The following CD2AP variants were observed in gnomAD, a reference collection of about 807,000 sequenced individuals.
CD2AP encodes the protein CD2-associated protein.
A neutral mutation model predicts 85.1 loss-of-function variants in CD2AP; 46 were observed. The ratio of observed to expected loss-of-function variants is 0.54; its 90% CI spans 0.43 to 0.69. CD2AP has a LOEUF of 0.69. Ranked by LOEUF, CD2AP falls within the 30% of genes least tolerant of loss-of-function variation. The pLI is 0.00. For missense variants in CD2AP, 769 were observed against 729.5 expected (o/e 1.05, Z -0.62); for synonymous variants, 255 against 252.9 (o/e 1.01, Z -0.08).
Position 47,540,174 on chromosome 6 carries a change from C to CAA in CD2AP, c.320-4414_320-4413dup, listed in dbSNP as rs373888400. On this transcript the variant is annotated intron_variant, in intron 3 of 17. Transcript: ENST00000359314. ...TGGGTGACAGAGTGAGGCCCTGTCT[C>CAA]AAAAAAAAAAAAAAAAAAAGAAAAA... is the stretch of plus-strand genomic sequence containing the variant. 3.1e-3 allele frequency among the ~76,000 whole-genome samples: 171 copies of CAA among 55,576 alleles called. 1 individual carries two copies. The highest frequency in any genetic ancestry group is 0.019 in the Middle Eastern group (2 of 106). 36.5% of individuals were successfully genotyped at this position (55,576 alleles called of 152,430 possible).
chr6:47,489,371 TCACCATGTTGGC>T, intron 1 of CD2AP, among the ~76,000 whole-genome samples: 1 of 152,060 alleles, frequency 6.6e-6, no homozygotes. Flanking sequence ...AGATGGGGTT[TCACCATGTTGGC>T]CAGGCTGGTT....
At chr6:47,600,375 G>A (rs1233445711) in intron 13 of CD2AP, among the ~76,000 whole-genome samples, 4 of 151,928 alleles carry the variant, frequency 2.6e-5, no homozygotes, top group African/African-American at 9.7e-5. Context: ...TTCAAGGGCA[G>A]TTACACTTAG....
rs960682411 is a variant in CD2AP at position 47,478,298 on chromosome 6, G to T, written c.4+50G>T. 5 of 1,560,966 alleles carry T rather than the reference G, an allele frequency of 3.2e-6. No individual in the cohort carries two copies. The African/African-American group carries it at 4.1e-5, about 13-fold the overall frequency. ...CGCCCGTCCGGACCTTCCAGACCCG[G>T]GGAGGCTGTGCCCTTTCTCGGCCTT... is the stretch of plus-strand genomic sequence containing the variant. On this transcript the variant is annotated intron_variant, in intron 1 of 17. Transcript: ENST00000359314.
At chr6:47,599,814 GATT>G (rs1452465354) in intron 13 of CD2AP, among the ~76,000 whole-genome samples, 2 of 151,958 alleles carry the variant, frequency 1.3e-5, no homozygotes, top group African/African-American at 4.8e-5. Context: ...GCCAGCATTA[GATT>G]ATATTTCATA....
At chr6:47,583,317 G>GT (rs1451597056) in intron 11 of CD2AP, among the ~76,000 whole-genome samples, 1 of 152,064 alleles carries the variant, frequency 6.6e-6, no homozygotes, top group African/African-American at 2.4e-5. Flanking sequence ...TCCTAGTGTT[G>GT]TAACTATTAT....
In CD2AP at chr6:47,502,115, G is replaced by T. The variant is rs575307807; in HGVS notation, c.5-1165G>T. On this transcript the variant is annotated intron_variant, in intron 1 of 17. Transcript: ENST00000359314. ...AGTTTGTATCATTCATTTACTTTTG[G>T]GTTGTTGGAGTAAGGGCCTCAGTTT... 3.9e-4 allele frequency among the ~76,000 whole-genome samples: 60 copies of T among 152,166 alleles called. 1 individual carries two copies. The highest frequency in any genetic ancestry group is 3.9e-3 in the Admixed American group (60 of 15,268).
At chr6:47,613,211 T>G (rs1358143828) in intron 17 of CD2AP, among the ~76,000 whole-genome samples, 5 of 152,238 alleles carry the variant, frequency 3.3e-5, no homozygotes, top group African/African-American at 1.2e-4. Context: ...TGACTTTCTC[T>G]TATGAATCGT....
chr6:47,602,255 A>C (rs1291447635), intron 13 of CD2AP, among the ~76,000 whole-genome samples: 1 of 151,964 alleles, frequency 6.6e-6, no homozygotes, highest in Non-Finnish European at 1.5e-5. Flanking sequence ...ATAACTTTTT[A>C]GCTTCTTCAT....
chr6:47,570,457 A>G (rs1768117646), intron 5 of CD2AP, among the ~76,000 whole-genome samples: 1 of 152,106 alleles, frequency 6.6e-6, no homozygotes, highest in Non-Finnish European at 1.5e-5. Context: ...CCATATAGAT[A>G]AGGTTACTGT....
chr6:47,589,824 A>ACT (rs1250959924), intron 11 of CD2AP, among the ~76,000 whole-genome samples: 1 of 151,956 alleles, frequency 6.6e-6, no homozygotes, highest in Non-Finnish European at 1.5e-5. Flanking sequence ...ATCCTAGTGA[A>ACT]CTAGGTTTTG....
intron 2 of CD2AP, among the ~76,000 whole-genome samples, chr6:47,533,061 T>A (rs1478933631): frequency 6.6e-6 from 1 of 152,202 alleles, no homozygotes; most frequent in Non-Finnish European, 1.5e-5. Flanking sequence ...GAGAATTTTA[T>A]AAATGGTTGG....
chr6:47,606,874 A>C (rs1769290453), intron 14 of CD2AP, among the ~76,000 whole-genome samples: 1 of 152,036 alleles, frequency 6.6e-6, no homozygotes, highest in African/African-American at 2.4e-5. Context: ...ATTTTTGACT[A>C]GTAGTTACCC....
chr6:47,526,764 G>A (rs939536250), intron 2 of CD2AP, among the ~76,000 whole-genome samples: 1 of 152,160 alleles, frequency 6.6e-6, no homozygotes, highest in African/African-American at 2.4e-5. Flanking sequence ...TTGGTCTCCT[G>A]TACTAGAAGC....
At chr6:47,498,174 A>G (rs967114003) in intron 1 of CD2AP, among the ~76,000 whole-genome samples, 1 of 152,102 alleles carries the variant, frequency 6.6e-6, no homozygotes, top group Non-Finnish European at 1.5e-5. Flanking sequence ...AATTTTCTTT[A>G]TTGTTGCATG....
At chr6:47,622,458 CTG>C (rs1769780607) in intron 17 of CD2AP, among the ~76,000 whole-genome samples, 3 of 152,148 alleles carry the variant, frequency 2.0e-5, no homozygotes, top group Middle Eastern at 3.2e-3. Context: ...CTATGGATCC[CTG>C]TGGTGCCAGG....
intron 17 of CD2AP, among the ~76,000 whole-genome samples, chr6:47,616,630 T>A (rs1334724011): frequency 6.6e-6 from 1 of 152,224 alleles, no homozygotes; most frequent in Non-Finnish European, 1.5e-5. Context: ...TTATTCAGAA[T>A]CAAAGAATAG....
chr6:47,547,523 G>A (rs6458572), intron 4 of CD2AP, among the ~76,000 whole-genome samples: 91,701 of 151,780 alleles, frequency 0.6, 28,508 homozygotes, highest in Middle Eastern at 0.74. Context: ...GAGCTCTTTA[G>A]TTTATAAGAC....
intron 13 of CD2AP, among the ~76,000 whole-genome samples, chr6:47,604,965 T>G (rs531523115): frequency 6.6e-6 from 1 of 152,184 alleles, no homozygotes; most frequent in Non-Finnish European, 1.5e-5. Context: ...AGTGATGCCT[T>G]TTTTTCTGCC....
intron 1 of CD2AP, among the ~76,000 whole-genome samples, chr6:47,499,407 A>G (rs1382661180): frequency 6.6e-6 from 1 of 152,086 alleles, no homozygotes; most frequent in Non-Finnish European, 1.5e-5. Context: ...AAAACTGTTA[A>G]GTTCATGCTG....
Sources: gnomAD v4.1 joint callset for allele counts (sites outside exome capture counted in the v4.1 genomes callset) on GRCh38, gnomAD v4.1.1 for gene constraint, MANE v1.5 for transcripts, NCBI Gene and HGNC (gene_info 2026-07-23, HGNC 2026-07-21) for gene names.